ZDHHC11B: variants seen among roughly 807,000 people sequenced by gnomAD.
ZDHHC11B encodes the protein zDHHC palmitoyltransferase 11B (putative), also known as probable palmitoyltransferase ZDHHC11B.
Under a neutral mutation model 42.3 loss-of-function variants are expected in ZDHHC11B, and 17 were observed. That is an observed-to-expected ratio of 0.40 (90% CI 0.27 to 0.60). The LOEUF is 0.60. ZDHHC11B is among the 20% of genes least tolerant of loss of function. The pLI, the probability that ZDHHC11B is intolerant of heterozygous loss-of-function variation, is 0.41. For synonymous variants in ZDHHC11B, 123 were observed against 193.5 expected (o/e 0.64, Z 3.02); for missense variants, 262 against 463.2 (o/e 0.57, Z 3.99).
intron 6 of ZDHHC11B, among the ~76,000 whole-genome samples, chr5:751,738 C>A (rs115430288): frequency 7.9e-6 from 1 of 127,278 alleles, no homozygotes; most frequent in African/African-American, 2.6e-5. Context: ...TCTGTGCCAT[C>A]CTGTGACGCC....
chr5:742,406 T>C (rs1243980025), intron 9 of ZDHHC11B, among the ~76,000 whole-genome samples: 1 of 142,568 alleles, frequency 7.0e-6, no homozygotes, highest in Non-Finnish European at 1.5e-5. Flanking sequence ...AGTCTAAGAC[T>C]TGAAAATATT....
intron 4 of ZDHHC11B, among the ~76,000 whole-genome samples, chr5:760,838 C>T (rs62332145): frequency 0.078 from 11,602 of 149,616 alleles, 475 homozygotes; most frequent in Non-Finnish European, 0.1. Context: ...CCCAAGGAAC[C>T]GCTGCGTCCC....
rs113941472 is a variant in ZDHHC11B, at chr5:773,262, G to C, written c.-229-4332C>G. On this transcript the variant is annotated intron_variant, in intron 1 of 13. Coordinates refer to ENST00000508859, the MANE Select transcript of ZDHHC11B (RefSeq NM_001351303.2). Reference sequence around the variant, plus strand: ...CTTCTCCTTGGATGGGCAGAGGCCAGGTGTCCTCCACTTTCCCAGTTTCTG... The same window carrying C: ...CTTCTCCTTGGATGGGCAGAGGCCACGTGTCCTCCACTTTCCCAGTTTCTG... Among the ~76,000 whole-genome samples the C allele has an allele frequency of 9.2e-5, 14 of 152,042 alleles. 1 individual carries two copies. Among genetic ancestry groups the C allele is most frequent in the African/African-American group, 3.1e-4 (13 of 41,438 alleles).
In ZDHHC11B at chr5:751,197, C is replaced by G; in HGVS notation, c.564G>C (p.Leu188=). Residue 188 remains leucine (L), a synonymous_variant, in exon 7 of 14, where the codon CTG becomes CTC. Transcript: ENST00000508859. The part of the protein sequence containing the change: ...TAGMLCLIAI[L]LYVLVQYLVN... ...CGAGGTACTGGACGAGGACATACAG[C>G]AGGATGGCGATCAGGCAGAGCATGC... is the stretch of plus-strand genomic sequence containing the variant. 1.5e-6 allele frequency: 2 copies of G among 1,309,274 alleles called. No individual in the cohort carries two copies. The highest frequency in any genetic ancestry group is 5.9e-5 in the East Asian group (2 of 33,992). 81.1% of individuals were successfully genotyped at this position (1,309,274 alleles called of 1,614,324 possible).
intron 1 of ZDHHC11B, among the ~76,000 whole-genome samples, chr5:770,194 C>T (rs112936357): frequency 0.048 from 7,067 of 147,990 alleles, 50 homozygotes; most frequent in East Asian, 0.14. Context: ...GGAAACCCCG[C>T]CATACCAATG....
At chr5:778,346 T>C (rs571569907) in intron 1 of ZDHHC11B, among the ~76,000 whole-genome samples, 2 of 151,148 alleles carry the variant, frequency 1.3e-5, no homozygotes, top group East Asian at 3.9e-4. Flanking sequence ...GCACCTTCTG[T>C]GGGGACAGCA....
Position 748,555 on chromosome 5 carries a change from G to T in ZDHHC11B, c.633C>A (p.Val211=). 2 of 1,363,010 alleles carry T rather than the reference G, an allele frequency of 1.5e-6. 1 individual carries two copies. 84.4% of individuals were successfully genotyped at this position (1,363,010 alleles called of 1,614,324 possible). A position where few individuals can be genotyped will look rare whatever the true frequency, so the allele number is the denominator to read the frequency against. Residue 211 remains valine (V), a synonymous_variant, in exon 8 of 14, where the codon GTC becomes GTA. Transcript: ENST00000508859. ...ACAGCAGCCACGTGTTCATATTCTT[G>T]ACATCTGGGGAGACAAGGGAGAGAC... ...VLRTDPRYED[V]KNMNTWLLFL... is the part of the protein sequence containing the mutation.
intron 11 of ZDHHC11B, chr5:731,908 C>G (rs1323722540): frequency 6.6e-6 from 1 of 152,342 alleles, no homozygotes; most frequent in Non-Finnish European, 1.5e-5. Context: ...TGTGGTTATG[C>G]AGCTGCTGCA....
chr5:741,928 T>A (rs1461595873), intron 9 of ZDHHC11B, among the ~76,000 whole-genome samples: 6 of 92,092 alleles, frequency 6.5e-5, no homozygotes, highest in Non-Finnish European at 1.0e-4. Flanking sequence ...GCAGGAGACT[T>A]GCAATTTCTC....
At chr5:769,933 G>C (rs1354194911) in intron 1 of ZDHHC11B, among the ~76,000 whole-genome samples, 1 of 151,898 alleles carries the variant, frequency 6.6e-6, no homozygotes, top group East Asian at 1.9e-4. Flanking sequence ...CTGCTCCCAA[G>C]GAGCCCTGAC....
intron 4 of ZDHHC11B, among the ~76,000 whole-genome samples, chr5:766,275 C>T (rs553935056): frequency 6.8e-6 from 1 of 147,632 alleles, no homozygotes; most frequent in South Asian, 2.2e-4. Context: ...GCTTCCCCCT[C>T]TTTGGGAGAC....
At position 737,084 on chromosome 5, in the gene ZDHHC11B, A is replaced by G. The variant is rs144123637; in HGVS notation, c.936-3245T>C. On this transcript the variant is annotated intron_variant, in intron 10 of 13. Coordinates refer to ENST00000508859, the MANE Select transcript of ZDHHC11B (RefSeq NM_001351303.2). The stretch of plus-strand genomic sequence containing the variant: ...ATTGACCATTAGCAACATTAAGCAA[A>G]AAAAGAAAAGATCCAAATAAGCTCA... 7.4e-5 allele frequency among the ~76,000 whole-genome samples: 11 copies of G among 149,594 alleles called. 1 individual carries two copies. The East Asian group carries it at 8.2e-4, about 11-fold the overall frequency.
chr5:715,106 A>C (rs1334955271), intron 13 of ZDHHC11B, among the ~76,000 whole-genome samples: 1 of 150,070 alleles, frequency 6.7e-6, no homozygotes, highest in African/African-American at 2.5e-5. Flanking sequence ...TAAGCCAAAT[A>C]CACGATTTTT....
chr5:742,423 G>A (rs1460052755), intron 9 of ZDHHC11B, among the ~76,000 whole-genome samples: 1 of 136,774 alleles, frequency 7.3e-6, no homozygotes, highest in Non-Finnish European at 1.6e-5. Context: ...TATTTTGTTT[G>A]CCTGTGGCTT....
At chr5:770,263 C>A (rs1168408913) in intron 1 of ZDHHC11B, among the ~76,000 whole-genome samples, 1 of 150,258 alleles carries the variant, frequency 6.7e-6, no homozygotes, top group African/African-American at 2.4e-5. Flanking sequence ...GGGCGTGAGG[C>A]CCCTCAGACC....
At chr5:777,398 C>T (rs546136440) in intron 1 of ZDHHC11B, among the ~76,000 whole-genome samples, 10 of 151,952 alleles carry the variant, frequency 6.6e-5, no homozygotes, top group Admixed American at 4.6e-4. Context: ...GTCTGGCTGG[C>T]CTCAAGAGCA....
chr5:746,716 C>T (rs71587143), intron 8 of ZDHHC11B, among the ~76,000 whole-genome samples: 46,737 of 145,444 alleles, frequency 0.32, 4,837 homozygotes, highest in Middle Eastern at 0.4. Flanking sequence ...CTCCCCGCAG[C>T]GTGCAGGTGA....
intron 4 of ZDHHC11B, among the ~76,000 whole-genome samples, chr5:756,836 C>T (rs1480986023): frequency 9.2e-5 from 14 of 151,628 alleles, no homozygotes; most frequent in African/African-American, 2.2e-4. Flanking sequence ...ACCCTCTCCC[C>T]GAGACTTGCT....
chr5:725,231 C>A (rs1742496973), intron 12 of ZDHHC11B, among the ~76,000 whole-genome samples: 1 of 143,118 alleles, frequency 7.0e-6, no homozygotes, highest in African/African-American at 2.8e-5. Context: ...GGGCTCTCAT[C>A]AGACACCGGA....
Sources: allele counts gnomAD v4.1 joint callset (sites outside exome capture counted in the v4.1 genomes callset), GRCh38; gene constraint gnomAD v4.1.1; transcripts MANE v1.5; gene names NCBI Gene and HGNC (gene_info 2026-07-23, HGNC 2026-07-21).